RBMS3: variants seen among roughly 807,000 people sequenced by gnomAD.
RBMS3 encodes the protein RNA-binding motif, single-stranded-interacting protein 3.
RBMS3 carries 27 observed loss-of-function variants against 66.8 expected under a neutral mutation model. That is an observed-to-expected ratio of 0.40 (90% CI 0.30 to 0.56). RBMS3 has a LOEUF of 0.56. Ranked by LOEUF, RBMS3 falls within the 20% of genes least tolerant of loss-of-function variation. RBMS3 has a pLI of 0.40. For synonymous variants in RBMS3, 188 were observed against 183.0 expected (o/e 1.03, Z -0.22); for missense variants, 513 against 549.5 (o/e 0.93, Z 0.66).
chr3:29,401,843 C>T (rs1290139669), intron 1 of RBMS3, among the ~76,000 whole-genome samples: 2 of 152,008 alleles, frequency 1.3e-5, no homozygotes, highest in African/African-American at 2.4e-5. Flanking sequence ...ACAGCTGCTA[C>T]GATTCTTTAC....
chr3:29,651,688 C>T (rs1177494328), intron 4 of RBMS3, among the ~76,000 whole-genome samples: 3 of 152,082 alleles, frequency 2.0e-5, no homozygotes, highest in Non-Finnish European at 4.4e-5. Context: ...AAACTCTTTT[C>T]GTTCATTATC....
intron 12 of RBMS3, among the ~76,000 whole-genome samples, chr3:29,952,541 T>A (rs1695753324): frequency 1.3e-5 from 2 of 152,044 alleles, no homozygotes; most frequent in East Asian, 1.9e-4. Context: ...TTACATATTA[T>A]GTCTAACTTC....
At chr3:29,837,847 T>G (rs1184487234) in intron 6 of RBMS3, among the ~76,000 whole-genome samples, 1 of 151,060 alleles carries the variant, frequency 6.6e-6, no homozygotes, top group Non-Finnish European at 1.5e-5. Flanking sequence ...ACTTCCAGAG[T>G]TCTTCTAAGT....
At chr3:29,482,072 A>G (rs2043146360) in intron 2 of RBMS3, among the ~76,000 whole-genome samples, 1 of 152,142 alleles carries the variant, frequency 6.6e-6, no homozygotes, top group Non-Finnish European at 1.5e-5. Context: ...TTGATTCTAA[A>G]CCTCATCCTC....
intron 1 of RBMS3, among the ~76,000 whole-genome samples, chr3:29,351,215 G>T (rs1433851208): frequency 6.6e-6 from 1 of 152,040 alleles, no homozygotes; most frequent in Non-Finnish European, 1.5e-5. Flanking sequence ...ATGACGTGAT[G>T]AACATTTTCC....
chr3:29,622,050 A>T (rs1361213014), intron 4 of RBMS3, among the ~76,000 whole-genome samples: 2 of 152,184 alleles, frequency 1.3e-5, no homozygotes, highest in Non-Finnish European at 2.9e-5. Context: ...TTCATTTATA[A>T]AATTAAAGGA....
intron 3 of RBMS3, among the ~76,000 whole-genome samples, chr3:29,490,824 A>G (rs1174245621): frequency 6.6e-6 from 1 of 152,110 alleles, no homozygotes; most frequent in African/African-American, 2.4e-5. Context: ...AAGCATTAGA[A>G]TGCGAATTAT....
chr3:29,595,766 G>A (rs1185215306), intron 4 of RBMS3, among the ~76,000 whole-genome samples: 1 of 152,180 alleles, frequency 6.6e-6, no homozygotes, highest in Non-Finnish European at 1.5e-5. Context: ...TGTGACTTAG[G>A]TTTGTGAGGA....
chr3:29,762,055 T>C (rs2055710895), intron 5 of RBMS3, among the ~76,000 whole-genome samples: 1 of 152,176 alleles, frequency 6.6e-6, no homozygotes, highest in African/African-American at 2.4e-5. Context: ...GTACTTAAGA[T>C]ATGGTAACAT....
chr3:29,489,581 A>G (rs996226160), intron 3 of RBMS3, among the ~76,000 whole-genome samples: 6 of 151,620 alleles, frequency 4.0e-5, no homozygotes, highest in Non-Finnish European at 7.4e-5. Flanking sequence ...AGCGGTATCT[A>G]AAACAGAATT....
At chr3:29,869,797 C>G (rs2059447018) in intron 7 of RBMS3, among the ~76,000 whole-genome samples, 1 of 152,136 alleles carries the variant, frequency 6.6e-6, no homozygotes, top group Non-Finnish European at 1.5e-5. Context: ...GCCATACTTT[C>G]AAGAGAAGAG....
intron 4 of RBMS3, among the ~76,000 whole-genome samples, chr3:29,651,027 A>C (rs115765999): frequency 6.6e-6 from 1 of 152,042 alleles, no homozygotes; most frequent in African/African-American, 2.4e-5. Context: ...ATTTTTTTTG[A>C]TGTTGCCTTT....
intron 7 of RBMS3, among the ~76,000 whole-genome samples, chr3:29,869,802 GAA>G (rs1295056431): frequency 6.6e-6 from 1 of 152,150 alleles, no homozygotes; most frequent in African/African-American, 2.4e-5. Context: ...ACTTTCAAGA[GAA>G]GAGCTTTATT....
At chr3:29,623,034 G>A (rs894222394) in intron 4 of RBMS3, among the ~76,000 whole-genome samples, 3 of 150,596 alleles carry the variant, frequency 2.0e-5, no homozygotes, top group African/African-American at 7.3e-5. Context: ...GGAGAATGGC[G>A]TGAACTGGCA....
chr3:29,372,931 G>T (rs186895343), intron 1 of RBMS3, among the ~76,000 whole-genome samples: 1 of 150,838 alleles, frequency 6.6e-6, no homozygotes, highest in African/African-American at 2.4e-5. Context: ...TTAGAGTGGC[G>T]CCTGGAATAT....
At chr3:29,869,465 G>A (rs537316197) in intron 7 of RBMS3, among the ~76,000 whole-genome samples, 335 of 151,646 alleles carry the variant, frequency 2.2e-3, no homozygotes, top group Non-Finnish European at 3.8e-3. Context: ...GTTTATATAT[G>A]TATATACACA....
intron 3 of RBMS3, among the ~76,000 whole-genome samples, chr3:29,585,180 G>A (rs2047471856): frequency 6.6e-6 from 1 of 152,090 alleles, no homozygotes; most frequent in Admixed American, 6.5e-5. Flanking sequence ...GCCGATGAAC[G>A]GATGAGGAAG....
At chr3:29,805,913 C>A (rs929256394) in intron 6 of RBMS3, among the ~76,000 whole-genome samples, 2 of 151,994 alleles carry the variant, frequency 1.3e-5, no homozygotes, top group Admixed American at 6.6e-5. Flanking sequence ...ACTCACCACG[C>A]ACTCACTGAC....
chr3:29,700,904 T>C (rs1235191668), intron 4 of RBMS3, among the ~76,000 whole-genome samples: 3 of 152,002 alleles, frequency 2.0e-5, no homozygotes, highest in Non-Finnish European at 2.9e-5. Context: ...ACGTTGGAGA[T>C]TGGACATTGC....
Sources: gnomAD v4.1 joint callset for allele counts (sites outside exome capture counted in the v4.1 genomes callset) on GRCh38, gnomAD v4.1.1 for gene constraint, MANE v1.5 for transcripts, NCBI Gene and HGNC (gene_info 2026-07-23, HGNC 2026-07-21) for gene names.